CFAP77: variants seen among roughly 807,000 people sequenced by gnomAD.
The protein encoded by CFAP77 is cilia and flagella associated protein 77, also known as cilia- and flagella-associated protein 77.
A neutral mutation model predicts 31.1 loss-of-function variants in CFAP77; 25 were observed. The ratio of observed to expected loss-of-function variants is 0.80; its 90% CI spans 0.59 to 1.12. The LOEUF (loss-of-function observed/expected upper bound fraction) is 1.12, where lower values mean the gene tolerates loss of function less well. CFAP77 is among the 50% of genes most tolerant of loss of function. The pLI is 0.00. For missense variants in CFAP77, 377 were observed against 397.3 expected, an observed-to-expected ratio of 0.95 and a Z score of 0.44; for synonymous variants, 151 against 159.9, an observed-to-expected ratio of 0.94 and a Z score of 0.42.
At chr9:132,422,212 T>C (rs1850229116) in intron 1 of CFAP77, among the ~76,000 whole-genome samples, 1 of 152,228 alleles carries the variant, frequency 6.6e-6, no homozygotes, top group Admixed American at 6.5e-5. Context: ...TTTCACCATG[T>C]TGGCCAGACT....
At chr9:132,416,945 G>C (rs991463744) in intron 1 of CFAP77, among the ~76,000 whole-genome samples, 2 of 151,420 alleles carry the variant, frequency 1.3e-5, no homozygotes, top group Non-Finnish European at 2.9e-5. Flanking sequence ...CTGATCTTTT[G>C]TATTAGTTTT....
chr9:132,435,348 G>C (rs1226659178), intron 1 of CFAP77, among the ~76,000 whole-genome samples: 2 of 152,204 alleles, frequency 1.3e-5, no homozygotes, highest in African/African-American at 4.8e-5. Flanking sequence ...GAAAAAGAGA[G>C]AGATTTTTAA....
intron 3 of CFAP77, chr9:132,513,139 C>T (rs1944899888): frequency 1.9e-6 from 2 of 1,062,090 alleles, no homozygotes; most frequent in African/African-American, 1.6e-5. Flanking sequence ...GGGTCTCCAG[C>T]TCCTCAAGCA....
At position 132,490,815 on chromosome 9, in the gene CFAP77, C is replaced by T. The variant is rs1202263591; in HGVS notation, c.196-7880C>T. On this transcript the variant is annotated intron_variant, in intron 1 of 5. Transcript: ENST00000393216. This position sits in a 1 kb window ranked among gnomAD's most constrained non-coding sequence, Gnocchi z 4.6. ...ACAGCAGCTCCTCCGTCATTTTGTT[C>T]AACATTGTTATAATGTTGATGAGAA... Among the ~76,000 whole-genome samples, 1 of 152,188 alleles carries T rather than the reference C, an allele frequency of 6.6e-6. No homozygotes were observed. The highest frequency in any genetic ancestry group is 2.1e-4 in the South Asian group (1 of 4,818).
At chr9:132,533,724 T>C (rs981944657) in intron 3 of CFAP77, among the ~76,000 whole-genome samples, 3 of 151,942 alleles carry the variant, frequency 2.0e-5, no homozygotes, top group Non-Finnish European at 4.4e-5. Flanking sequence ...CTTCTAAAAA[T>C]GCAAAAATTA....
At position 132,497,351 on chromosome 9, in the gene CFAP77, G is replaced by A. The variant is rs1280457757; in HGVS notation, c.196-1344G>A. On this transcript the variant is annotated intron_variant, in intron 1 of 5. Coordinates refer to ENST00000393216, the MANE Select transcript of CFAP77 (RefSeq NM_001282957.2). The surrounding 1 kb of genome is among the most constrained non-coding windows in gnomAD (Gnocchi z 4.9). ...TATAGACGAGATGGCAGGAGACAGC[G>A]AGGCCAGAGCCCACCAGACCCTCTG... Among the ~76,000 whole-genome samples the A allele has an allele frequency of 3.3e-5, 5 of 152,364 alleles. No homozygotes were observed. The highest frequency in any genetic ancestry group is 2.1e-4 in the South Asian group (1 of 4,834).
At position 132,537,594 on chromosome 9, in the gene CFAP77, C is replaced by T. The variant is rs1564244913; in HGVS notation, c.525-7C>T. On this transcript the variant is annotated splice_polypyrimidine_tract_variant and splice_region_variant and intron_variant, in intron 3 of 5. Transcript: ENST00000393216. The stretch of plus-strand genomic sequence containing the variant: ...CCTCAAGCTCTGTCTGGACTTCTTC[C>T]CTCCAGGCCTTCCACACCCTTCTTT... The T allele has an allele frequency of 1.2e-6, 2 of 1,606,338 alleles. No homozygotes were observed. Among genetic ancestry groups the T allele is most frequent in the South Asian group, 2.2e-5 (2 of 89,684 alleles).
At chr9:132,438,717 T>C (rs1472325065) in intron 1 of CFAP77, among the ~76,000 whole-genome samples, 1 of 150,368 alleles carries the variant, frequency 6.7e-6, no homozygotes, top group African/African-American at 2.4e-5. Flanking sequence ...GTATTTTTTA[T>C]AGAGATGAGG....
At chr9:132,425,251 A>C (rs1850293457) in intron 1 of CFAP77, among the ~76,000 whole-genome samples, 1 of 152,006 alleles carries the variant, frequency 6.6e-6, no homozygotes, top group African/African-American at 2.4e-5. Context: ...CTTCATTTAA[A>C]CTTCATCAAC....
chr9:132,439,443 T>G (rs1850575777), intron 1 of CFAP77, among the ~76,000 whole-genome samples: 1 of 151,950 alleles, frequency 6.6e-6, no homozygotes, highest in Non-Finnish European at 1.5e-5. Flanking sequence ...CACTCCCCGC[T>G]CTGAGCCCTG....
intron 3 of CFAP77, among the ~76,000 whole-genome samples, chr9:132,504,116 G>T (rs1851896569): frequency 6.6e-6 from 1 of 152,210 alleles, no homozygotes; most frequent in Admixed American, 6.5e-5. Context: ...TAAAACAGGA[G>T]AAAATAGAAA....
chr9:132,553,123 G>A (rs1274715205), intron 5 of CFAP77, among the ~76,000 whole-genome samples: 1 of 152,172 alleles, frequency 6.6e-6, no homozygotes, highest in Non-Finnish European at 1.5e-5. Context: ...TTATAGCCAA[G>A]GCACCTTCTC....
chr9:132,486,070 A>G (rs1280661609), intron 1 of CFAP77, among the ~76,000 whole-genome samples: 4 of 10,780 alleles, frequency 3.7e-4, no homozygotes, highest in Admixed American at 1.2e-3. Flanking sequence ...GTGTGTGTAT[A>G]TATATATATA....
rs1053975791 is a variant in CFAP77 at position 132,498,203 on chromosome 9, C to T, written c.196-492C>T. Among the ~76,000 whole-genome samples, 16 of 152,030 alleles carry T rather than the reference C, an allele frequency of 1.1e-4. No individual in the cohort carries two copies. The highest frequency in any genetic ancestry group is 3.3e-4 in the Admixed American group (5 of 15,276). ...ACTGTGTCTTCCCCAGGTGAGGATT[C>T]GAGGAAGTGACTCCCTCATGTGCTA... is the stretch of plus-strand genomic sequence containing the variant. On this transcript the variant is annotated intron_variant, in intron 1 of 5. Transcript: ENST00000393216. The surrounding 1 kb of genome is among the most constrained non-coding windows in gnomAD (Gnocchi z 4.2).
At chr9:132,472,774 A>AAAAC (rs1851281296) in intron 1 of CFAP77, among the ~76,000 whole-genome samples, 6 of 152,170 alleles carry the variant, frequency 3.9e-5, no homozygotes, top group Admixed American at 3.9e-4. Flanking sequence ...GCCTGTCTCT[A>AAAAC]AAACAAACAA....
intron 3 of CFAP77, among the ~76,000 whole-genome samples, chr9:132,510,540 C>T (rs1056650564): frequency 6.6e-6 from 1 of 152,226 alleles, no homozygotes; most frequent in Non-Finnish European, 1.5e-5. Context: ...TCAAGCCCAA[C>T]ACATCAGCCC....
intron 1 of CFAP77, among the ~76,000 whole-genome samples, chr9:132,411,958 A>T (rs145265381): frequency 6.6e-6 from 1 of 152,312 alleles, no homozygotes; most frequent in Non-Finnish European, 1.5e-5. Context: ...ATATACATGT[A>T]TGCATATGTA....
rs966146415 is a variant in CFAP77, at chr9:132,460,914, C to T, written c.196-37781C>T. On this transcript the variant is annotated intron_variant, in intron 1 of 5. Transcript: ENST00000393216. The stretch of plus-strand genomic sequence containing the variant: ...CTAATTTTTGTATTTTTAGTAGAGA[C>T]GGGGTTTCACCATGTTGGCCAGGCT... Among the ~76,000 whole-genome samples, 58 of 151,994 alleles carry T rather than the reference C, an allele frequency of 3.8e-4. 1 individual carries two copies. Among genetic ancestry groups the T allele is most frequent in the African/African-American group, 8.0e-4 (33 of 41,382 alleles).
At position 132,497,212 on chromosome 9, in the gene CFAP77, A is replaced by G. The variant is rs891596165; in HGVS notation, c.196-1483A>G. On this transcript the variant is annotated intron_variant, in intron 1 of 5. Transcript: ENST00000393216. This position sits in a 1 kb window ranked among gnomAD's most constrained non-coding sequence, Gnocchi z 4.9. ...TGGGGTTGGAGGGTGCAGGGCCTGG[A>G]CTGCCAGCAGAGGGAAGGGTTTATT... 1.3e-5 allele frequency among the ~76,000 whole-genome samples: 2 copies of G among 152,042 alleles called. No individual in the cohort carries two copies. The highest frequency in any genetic ancestry group is 2.9e-5 in the Non-Finnish European group (2 of 68,008).
Sources: gnomAD v4.1 joint callset for allele counts (sites outside exome capture counted in the v4.1 genomes callset) on GRCh38, gnomAD v4.1.1 for gene constraint, Gnocchi (gnomAD v3.1) non-coding constraint, MANE v1.5 for transcripts, NCBI Gene and HGNC (gene_info 2026-07-23, HGNC 2026-07-21) for gene names.